The following VAT1L variants were observed in gnomAD, a reference collection of about 807,000 sequenced individuals.
VAT1L encodes putative NADPH-dependent quinone oxidoreductase VAT1L.
A neutral mutation model predicts 44.1 loss-of-function variants in VAT1L; 34 were observed. The ratio of observed to expected loss-of-function variants is 0.77; its 90% confidence interval spans 0.59 to 1.03. The LOEUF is 1.03. Ranked by LOEUF, VAT1L falls within the 50% of genes least tolerant of loss-of-function variation. VAT1L has a pLI of 0.00. For missense variants in VAT1L, 615 were observed against 538.8 expected (o/e 1.14, Z -1.40); for synonymous variants, 253 against 202.2 (o/e 1.25, Z -2.13).
At chr16:77,897,239 C>T (rs1490155031) in intron 7 of VAT1L, among the ~76,000 whole-genome samples, 1 of 152,166 alleles carries the variant, frequency 6.6e-6, no homozygotes, top group African/African-American at 2.4e-5. Context: ...ACTACCCCCA[C>T]CTCTGGAATC....
rs904028879 is a variant in VAT1L, at chr16:77,979,111, C to T, written c.*1416C>T. On this transcript the variant is annotated 3_prime_UTR_variant, in exon 9 of 9. Coordinates refer to ENST00000302536, the MANE Select transcript of VAT1L (RefSeq NM_020927.3). The stretch of plus-strand genomic sequence containing the variant: ...CAACCCTTTCCGCAAGTGGTAGGAA[C>T]GAATGCATCTTAGCAATTACCTGAT... The T allele has an allele frequency of 6.6e-6, 1 of 152,628 alleles. No homozygotes were observed. The highest frequency in any genetic ancestry group is 1.9e-4 in the East Asian group (1 of 5,192). The allele number at this position is 152,628 out of a possible 1,614,324, so 9.5% of individuals were successfully genotyped here. A position where few individuals can be genotyped will look rare whatever the true frequency, so the allele number is the denominator to read the frequency against.
intron 1 of VAT1L, among the ~76,000 whole-genome samples, chr16:77,795,832 T>C (rs1225739879): frequency 7.5e-5 from 10 of 132,490 alleles, no homozygotes; most frequent in Admixed American, 6.1e-4. Context: ...TTTTTTTTTT[T>C]TTTTTTCATT....
chr16:77,801,381 A>G (rs953300184), intron 1 of VAT1L: 12 of 152,314 alleles, frequency 7.9e-5, no homozygotes, highest in African/African-American at 2.9e-4. Context: ...ACATTCAGTA[A>G]TAGCTGAAAA....
chr16:77,803,621 G>T (rs2016105152), intron 1 of VAT1L, among the ~76,000 whole-genome samples: 2 of 151,814 alleles, frequency 1.3e-5, no homozygotes, highest in African/African-American at 2.4e-5. Context: ...GGGTTTCACT[G>T]TGTTAGCCAG....
intron 7 of VAT1L, among the ~76,000 whole-genome samples, chr16:77,939,422 T>C (rs897808365): frequency 2.0e-5 from 3 of 152,102 alleles, no homozygotes; most frequent in African/African-American, 7.2e-5. Flanking sequence ...GAGTAGTTAG[T>C]TACACTGAGA....
intron 3 of VAT1L, among the ~76,000 whole-genome samples, chr16:77,861,883 A>C (rs1339285270): frequency 6.6e-6 from 1 of 152,248 alleles, no homozygotes; most frequent in African/African-American, 2.4e-5. Flanking sequence ...ATTGAGCTCC[A>C]GTTACACATG....
intron 3 of VAT1L, among the ~76,000 whole-genome samples, chr16:77,855,251 A>G (rs186865982): frequency 4.0e-4 from 61 of 152,078 alleles, no homozygotes; most frequent in Non-Finnish European, 8.5e-4. Flanking sequence ...GAGGCAGGAG[A>G]ATCGCTCGAA....
intron 7 of VAT1L, among the ~76,000 whole-genome samples, chr16:77,888,219 T>A (rs879316962): frequency 6.6e-6 from 1 of 152,176 alleles, no homozygotes; most frequent in Non-Finnish European, 1.5e-5. Flanking sequence ...TTTGATACTC[T>A]CCATTGCATT....
At chr16:77,816,689 C>G (rs1597176733) in intron 1 of VAT1L, among the ~76,000 whole-genome samples, 1 of 151,688 alleles carries the variant, frequency 6.6e-6, no homozygotes, top group East Asian at 1.9e-4. Context: ...TTCATTGCCA[C>G]AAATGTATTG....
intron 1 of VAT1L, among the ~76,000 whole-genome samples, chr16:77,814,177 C>A (rs2016312135): frequency 6.6e-6 from 1 of 152,142 alleles, no homozygotes; most frequent in African/African-American, 2.4e-5. Flanking sequence ...CAGTTCTTGA[C>A]ACAAACTAAA....
chr16:77,820,951 A>G (rs3909916), intron 2 of VAT1L, among the ~76,000 whole-genome samples: 28,363 of 152,126 alleles, frequency 0.19, 2,782 homozygotes, highest in Admixed American at 0.25. Flanking sequence ...ATTCTAGTCA[A>G]TTGCAGACAC....
rs547448431 is a variant in VAT1L at position 77,868,380 on chromosome 16, C to T, written c.722+5490C>T. ...ACAATGGTGAGCAAAACAAGCAAAT[C>T]CCCATGCAAGACAATGGGGTTGGCA... is the stretch of plus-strand genomic sequence containing the variant. On this transcript the variant is annotated intron_variant, in intron 4 of 8. Coordinates refer to ENST00000302536, the MANE Select transcript of VAT1L (RefSeq NM_020927.3). Among the ~76,000 whole-genome samples the T allele has an allele frequency of 1.4e-4, 21 of 152,228 alleles. 1 individual carries two copies. In the South Asian group the frequency reaches 4.4e-3, roughly 32 times the overall value.
rs1235823655 is a variant in VAT1L at position 77,931,055 on chromosome 16, G to A, written c.1078-40795G>A. On this transcript the variant is annotated intron_variant, in intron 7 of 8. Coordinates refer to ENST00000302536, the MANE Select transcript of VAT1L (RefSeq NM_020927.3). Reference sequence around the variant, plus strand: ...CTAAAAAGTAATCACTTGTTCAAGAGTGCACAGCCAGTCAGTTAGTGGTGG... The same window carrying A: ...CTAAAAAGTAATCACTTGTTCAAGAATGCACAGCCAGTCAGTTAGTGGTGG... Among the ~76,000 whole-genome samples the A allele has an allele frequency of 2.0e-5, 3 of 152,144 alleles. No individual in the cohort carries two copies. The East Asian group carries it at 5.8e-4, about 29-fold the overall frequency.
intron 2 of VAT1L, among the ~76,000 whole-genome samples, chr16:77,817,438 ACT>A (rs1470660028): frequency 6.6e-6 from 1 of 152,154 alleles, no homozygotes; most frequent in African/African-American, 2.4e-5. Flanking sequence ...GAGGAAATGG[ACT>A]CTCTATTTTA....
intron 3 of VAT1L, among the ~76,000 whole-genome samples, chr16:77,827,689 C>T (rs948873981): frequency 6.6e-6 from 1 of 152,158 alleles, no homozygotes; most frequent in African/African-American, 2.4e-5. Context: ...AATGGTCATC[C>T]ATGTGAACTA....
chr16:77,868,232 T>C (rs531998038), intron 4 of VAT1L, among the ~76,000 whole-genome samples: 1 of 152,328 alleles, frequency 6.6e-6, no homozygotes, highest in African/African-American at 2.4e-5. Flanking sequence ...CCAAATACTG[T>C]ACTGAAAGTG....
intron 7 of VAT1L, among the ~76,000 whole-genome samples, chr16:77,910,633 C>A (rs187882244): frequency 4.8e-4 from 71 of 147,084 alleles, no homozygotes; most frequent in Middle Eastern, 3.5e-3. Context: ...GAGATCGCTC[C>A]ACTGCACTCC....
intron 7 of VAT1L, among the ~76,000 whole-genome samples, chr16:77,888,949 C>T (rs564058265): frequency 1.3e-5 from 2 of 152,314 alleles, no homozygotes; most frequent in Admixed American, 6.5e-5. Context: ...GAACACCCAC[C>T]GACTTTCTGC....
chr16:77,799,504 GGTGTGTGTGTGTGTGTGTGTGTGTGTGT>G (rs10525414), intron 1 of VAT1L, among the ~76,000 whole-genome samples: 6 of 140,886 alleles, frequency 4.3e-5, no homozygotes, highest in Admixed American at 7.1e-5. Context: ...TGGAATACAT[GGTGTGTGTGTGTGTGTGTGTGTGTGTGT>G]GTGTGTGTGT....
Sources: gnomAD v4.1 joint callset for allele counts (sites outside exome capture counted in the v4.1 genomes callset) on GRCh38, gnomAD v4.1.1 for gene constraint, MANE v1.5 for transcripts, NCBI Gene and HGNC (gene_info 2026-07-23, HGNC 2026-07-21) for gene names.